SORCS1: variants seen among roughly 807,000 people sequenced by gnomAD.
SORCS1 encodes sortilin related VPS10 domain containing receptor 1.
SORCS1 carries 60 observed loss-of-function variants against 146.1 expected under a neutral mutation model. The observed-to-expected ratio is 0.41, with a 90% CI of 0.33 to 0.51. The LOEUF (loss-of-function observed/expected upper bound fraction) is 0.51. SORCS1 is among the 20% of genes least tolerant of loss of function. The pLI is 0.21. For missense variants in SORCS1, 1,352 were observed against 1,487.6 expected, an observed-to-expected ratio of 0.91 and a Z score of 1.50; for synonymous variants, 637 against 584.0, an observed-to-expected ratio of 1.09 and a Z score of -1.31.
At chr10:106,905,436 A>T (rs192193045) in intron 2 of SORCS1, among the ~76,000 whole-genome samples, 31 of 152,336 alleles carry the variant, frequency 2.0e-4, no homozygotes, top group African/African-American at 7.5e-4. Flanking sequence ...AAAAATTTTT[A>T]AATGTTACCA....
intron 21 of SORCS1, among the ~76,000 whole-genome samples, chr10:106,612,630 G>T (rs1302342189): frequency 6.6e-6 from 1 of 151,970 alleles, no homozygotes; most frequent in Non-Finnish European, 1.5e-5. Flanking sequence ...GAGGGCAAGG[G>T]CAAGAACAGG....
At position 106,990,319 on chromosome 10, in the gene SORCS1, G is replaced by T. The variant is rs1956715043; in HGVS notation, c.559-33739C>A. 3.3e-5 allele frequency among the ~76,000 whole-genome samples: 5 copies of T among 152,108 alleles called. 2 individuals are homozygous for T. The South Asian group carries it at 1.0e-3, about 32-fold the overall frequency. ...TGGAGTTGCTCTGTTGCCCAGGTTG[G>T]AGTGCAGTGACGTGATCTTGGCTCA... On this transcript the variant is annotated intron_variant, in intron 1 of 25. Transcript: ENST00000263054.
At chr10:106,652,634 C>G (rs983452236) in intron 17 of SORCS1, 81 bp from the exon 18 acceptor site, 25 of 1,520,760 alleles carry the variant, frequency 1.6e-5, no homozygotes, top group Middle Eastern at 2.2e-4. Context: ...GACATAGTGC[C>G]TAGCCCTGAG....
At chr10:106,819,837 T>C (rs1947925360) in intron 3 of SORCS1, among the ~76,000 whole-genome samples, 1 of 152,214 alleles carries the variant, frequency 6.6e-6, no homozygotes. Context: ...AAATTAGCTC[T>C]CCTCTCTCTG....
intron 3 of SORCS1, among the ~76,000 whole-genome samples, chr10:106,792,081 C>G (rs147364545): frequency 2.0e-3 from 306 of 152,190 alleles, no homozygotes; most frequent in African/African-American, 7.0e-3. Flanking sequence ...GTTTATAAGT[C>G]TGCTTATGCA....
intron 5 of SORCS1, among the ~76,000 whole-genome samples, chr10:106,749,920 C>T (rs1025438699): frequency 3.9e-5 from 6 of 152,148 alleles, no homozygotes; most frequent in Admixed American, 2.0e-4. Context: ...ATGTCACACC[C>T]CTTGAAAACA....
At chr10:106,828,168 C>T (rs1948381273) in intron 3 of SORCS1, among the ~76,000 whole-genome samples, 1 of 152,162 alleles carries the variant, frequency 6.6e-6, no homozygotes, top group African/African-American at 2.4e-5. Flanking sequence ...AAGTAAATCA[C>T]CATGCTTATA....
At chr10:106,986,367 C>T (rs1956470205) in intron 1 of SORCS1, among the ~76,000 whole-genome samples, 2 of 152,098 alleles carry the variant, frequency 1.3e-5, no homozygotes, top group Admixed American at 1.3e-4. Context: ...AACAGCTCAA[C>T]AAACCCAAAG....
chr10:107,037,232 T>C (rs550192494), intron 1 of SORCS1, among the ~76,000 whole-genome samples: 1 of 152,310 alleles, frequency 6.6e-6, no homozygotes, highest in East Asian at 1.9e-4. Context: ...GGTGACAGAC[T>C]GAGACTGTCT....
At chr10:106,617,670 A>G (rs1158032574) in intron 21 of SORCS1, among the ~76,000 whole-genome samples, 1 of 152,130 alleles carries the variant, frequency 6.6e-6, no homozygotes, top group East Asian at 1.9e-4. Context: ...AATTGTTATG[A>G]CCCTTCCATC....
At chr10:107,148,787 T>A (rs551144708) in intron 1 of SORCS1, among the ~76,000 whole-genome samples, 1 of 152,170 alleles carries the variant, frequency 6.6e-6, no homozygotes, top group Non-Finnish European at 1.5e-5. Flanking sequence ...GAGACTTTCA[T>A]AGAGGGCATT....
At chr10:106,679,808 C>T in intron 10 of SORCS1, 74 bp from the exon 11 acceptor site, 2 of 1,181,986 alleles carry the variant, frequency 1.7e-6, no homozygotes, top group Admixed American at 4.0e-5. Context: ...ATCAGATCAT[C>T]CATCCATCTA....
intron 6 of SORCS1, among the ~76,000 whole-genome samples, chr10:106,727,325 C>T (rs1021399865): frequency 7.2e-5 from 11 of 152,090 alleles, no homozygotes; most frequent in Non-Finnish European, 1.6e-4. Context: ...CATGTAGATG[C>T]CATGGCATGT....
chr10:106,897,328 C>G (rs1279406223), intron 2 of SORCS1, among the ~76,000 whole-genome samples: 1 of 152,118 alleles, frequency 6.6e-6, no homozygotes, highest in African/African-American at 2.4e-5. Flanking sequence ...CCATACCTGG[C>G]CCCCAAAACT....
At chr10:106,934,336 CG>C (rs1953583519) in intron 2 of SORCS1, among the ~76,000 whole-genome samples, 1 of 151,898 alleles carries the variant, frequency 6.6e-6, no homozygotes, top group Admixed American at 6.6e-5. Context: ...CAGATCACTG[CG>C]AGCTCGGTCT....
At position 106,748,848 on chromosome 10, in the gene SORCS1, T is replaced by A. The variant is rs1172960131; in HGVS notation, c.959+12740A>T. On this transcript the variant is annotated intron_variant, in intron 5 of 25. Coordinates refer to ENST00000263054, the MANE Select transcript of SORCS1 (RefSeq NM_052918.5). ...TGTCAATATTGATTATATTGACTAATCCTACATCTCAGCATTTTGCTTTCA... is the reference window on the plus strand; with the variant it reads ...TGTCAATATTGATTATATTGACTAAACCTACATCTCAGCATTTTGCTTTCA... 2.6e-5 allele frequency among the ~76,000 whole-genome samples: 4 copies of A among 152,286 alleles called. No individual in the cohort carries two copies. The East Asian group carries it at 7.7e-4, about 29-fold the overall frequency.
At chr10:106,933,372 C>T (rs1358398919) in intron 2 of SORCS1, among the ~76,000 whole-genome samples, 1 of 152,074 alleles carries the variant, frequency 6.6e-6, no homozygotes, top group Non-Finnish European at 1.5e-5. Context: ...AAAATGTCCC[C>T]CAGAAGATGT....
intron 1 of SORCS1, among the ~76,000 whole-genome samples, chr10:107,077,363 T>C (rs1219152529): frequency 6.6e-6 from 1 of 152,092 alleles, no homozygotes; most frequent in East Asian, 1.9e-4. Context: ...GCTTAAGAAA[T>C]ACATACTATA....
intron 10 of SORCS1, among the ~76,000 whole-genome samples, chr10:106,684,747 T>G (rs1187294358): frequency 6.6e-6 from 1 of 152,230 alleles, no homozygotes; most frequent in African/African-American, 2.4e-5. Flanking sequence ...TAGGCTGTGC[T>G]TTCAGTGACA....
Sources: allele counts gnomAD v4.1 joint callset (sites outside exome capture counted in the v4.1 genomes callset), GRCh38; gene constraint gnomAD v4.1.1; transcripts MANE v1.5; gene names NCBI Gene and HGNC (gene_info 2026-07-23, HGNC 2026-07-21).